LDHA: variants seen among roughly 807,000 people sequenced by gnomAD.
LDHA encodes lactate dehydrogenase A.
LDHA carries 10 observed loss-of-function variants against 36.3 expected under a neutral mutation model. The observed-to-expected ratio is 0.28, with a 90% CI of 0.17 to 0.47. LDHA has a LOEUF of 0.47. LDHA is among the 20% of genes least tolerant of loss of function. The pLI is 0.99. For missense variants in LDHA, 267 were observed against 405.8 expected, an observed-to-expected ratio of 0.66 and a Z score of 2.94; for synonymous variants, 110 against 136.7, an observed-to-expected ratio of 0.80 and a Z score of 1.36.
rs1056818130 is a variant in LDHA at position 18,403,559 on chromosome 11, G to A, written c.593-135G>A. 9.7e-6 allele frequency: 7 copies of A among 718,034 alleles called. No homozygotes were observed. In the East Asian group the frequency reaches 1.8e-4, roughly 18 times the overall value. 44.5% of individuals were successfully genotyped at this position (718,034 alleles called of 1,614,324 possible). On this transcript the variant is annotated intron_variant, in intron 5 of 7. Transcript: ENST00000422447. ...AAAATCTAATCTAAAAGTGAGTAATGACTACATTAGTAGTCTTGACCATCT... is the reference window on the plus strand; with the variant it reads ...AAAATCTAATCTAAAAGTGAGTAATAACTACATTAGTAGTCTTGACCATCT...
Position 18,400,898 on chromosome 11 carries a change from G to C in LDHA, c.306G>C (p.Glu102Asp). ...TCACGGCTGGGGCACGTCAGCAAGA[G>C]GGAGAAAGCCGTCTTAATTTGGTCC... ...VIITAGARQQ[E>D]GESRLNLVQR... Residue 102 changes from glutamate (E) to aspartate (D), a missense_variant, in exon 4 of 8, where the codon GAG (glutamate) becomes GAC (aspartate). Glu to Asp is a conservative substitution (Grantham distance 45). Coordinates refer to ENST00000422447, the MANE Select transcript of LDHA (RefSeq NM_005566.4). 1 of 1,613,428 alleles carries C rather than the reference G, an allele frequency of 6.2e-7. No homozygotes were observed. The highest frequency in any genetic ancestry group is 8.5e-7 in the Non-Finnish European group (1 of 1,179,574).
At chr11:18,404,281 C>T (rs1006277179) in intron 6 of LDHA, among the ~76,000 whole-genome samples, 2 of 152,120 alleles carry the variant, frequency 1.3e-5, no homozygotes, top group Non-Finnish European at 2.9e-5. Context: ...TGGTGGTGAG[C>T]ACCTGTGGTC....
intron 4 of LDHA, among the ~76,000 whole-genome samples, chr11:18,401,635 G>A (rs1338419951): frequency 1.3e-5 from 2 of 150,890 alleles, no homozygotes; most frequent in Non-Finnish European, 1.5e-5. Flanking sequence ...CCACCACGAC[G>A]CCTGGCTAAT....
rs189786479 is a variant in LDHA at position 18,400,710 on chromosome 11, A to G, written c.245-127A>G. 1.9e-3 allele frequency: 1,378 copies of G among 725,780 alleles called. 7 individuals carry two copies. The highest frequency in any genetic ancestry group is 9.2e-3 in the Middle Eastern group (40 of 4,352). The allele number at this position is 725,780 out of a possible 1,614,324, so 45.0% of individuals were successfully genotyped here. On this transcript the variant is annotated intron_variant, in intron 3 of 7. Coordinates refer to ENST00000422447, the MANE Select transcript of LDHA (RefSeq NM_005566.4). ...TGTTGACATGCTCTTCCTCCATTTA[A>G]GAAGCCATAATGATAAAACTCTAAG...
chr11:18,397,132 A>G lies in LDHA; in HGVS notation c.126+164A>G, dbSNP rs2134018130. 13 of 623,116 alleles carry G rather than the reference A, an allele frequency of 2.1e-5. No individual in the cohort carries two copies. The East Asian group carries it at 2.6e-4, about 13-fold the overall frequency. The allele number at this position is 623,116 out of a possible 1,614,324, so 38.6% of individuals were successfully genotyped here. A position where few individuals can be genotyped will look rare whatever the true frequency, so the allele number is the denominator to read the frequency against. On this transcript the variant is annotated intron_variant, in intron 2 of 7. Coordinates refer to ENST00000422447, the MANE Select transcript of LDHA (RefSeq NM_005566.4). Reference sequence around the variant, plus strand: ...ACAAACTTTTGAAATATGATAATACACCAAAAGTGTATCTGAAATTAAAAA... The same window carrying G: ...ACAAACTTTTGAAATATGATAATACGCCAAAAGTGTATCTGAAATTAAAAA...
Position 18,396,817 on chromosome 11 carries a change from A to AGATTCCTTTT in LDHA, c.-24_-15dup, listed in dbSNP as rs754131832. On this transcript the variant is annotated splice_acceptor_variant, in intron 1 of 7. Transcript: ENST00000422447. LOFTEE classifies it low-confidence loss of function (5UTR_SPLICE). The stretch of plus-strand genomic sequence containing the variant: ...TGACACTAAATGTTTTTCCTCCTAT[A>AGATTCCTTTT]GATTCCTTTTGGTTCCAAGTCCAAT... The AGATTCCTTTT allele has an allele frequency of 5.0e-6, 8 of 1,602,050 alleles. No individual in the cohort carries two copies. Among genetic ancestry groups the AGATTCCTTTT allele is most frequent in the Non-Finnish European group, 6.0e-6 (7 of 1,174,302 alleles).
chr11:18,406,877 G>A (rs537881880), intron 7 of LDHA: 16 of 424,934 alleles, frequency 3.8e-5, no homozygotes, highest in Middle Eastern at 6.8e-4. Context: ...AGCCAAGTGT[G>A]GTGGCGCACG....
rs1196486136 is a variant in LDHA, at chr11:18,407,469, C to T, written c.*188C>T. 6 of 1,178,458 alleles carry T rather than the reference C, an allele frequency of 5.1e-6. No homozygotes were observed. Among genetic ancestry groups the T allele is most frequent in the African/African-American group, 1.5e-5 (1 of 65,756 alleles). 73.0% of individuals were successfully genotyped at this position (1,178,458 alleles called of 1,614,324 possible). A position where few individuals can be genotyped will look rare whatever the true frequency, so the allele number is the denominator to read the frequency against. ...TAAAATCCACAGCTATATCCTGATG[C>T]TGGATGGTATTAATCTTGTGTAGTC... On this transcript the variant is annotated 3_prime_UTR_variant, in exon 8 of 8. Transcript: ENST00000422447.
At chr11:18,399,325 A>G (rs1866400869) in intron 2 of LDHA, 106 bp from the exon 3 acceptor site, 2 of 817,748 alleles carry the variant, frequency 2.4e-6, no homozygotes, top group African/African-American at 3.4e-5. Flanking sequence ...CTGTACTAAT[A>G]AAGTAACAGA....
intron 6 of LDHA, 137 bp from the exon 7 acceptor site, chr11:18,405,312 T>A: frequency 2.4e-6 from 2 of 845,602 alleles, no homozygotes; most frequent in Admixed American, 1.8e-5. Context: ...AGCATACATG[T>A]GTGCAAGGGT....
chr11:18,403,607 C>T, intron 5 of LDHA, 87 bp from the exon 6 acceptor site: 1 of 906,630 alleles, frequency 1.1e-6, no homozygotes, highest in Non-Finnish European at 1.9e-6. Flanking sequence ...TATTCTTCCT[C>T]CGAAGATAAG....
chr11:18,398,705 C>T (rs1866380801), intron 2 of LDHA: 1 of 150,862 alleles, frequency 6.6e-6, no homozygotes, highest in Non-Finnish European at 1.5e-5. Context: ...GCTCTGCCTC[C>T]CGGGTTCATA....
chr11:18,403,057 A>G (rs760132196), intron 5 of LDHA, 44 bp downstream of exon 5: 1 of 1,541,480 alleles, frequency 6.5e-7, no homozygotes, highest in Non-Finnish European at 9.0e-7. Flanking sequence ...AAGATTATAT[A>G]AAAAGTCGAT....
intron 4 of LDHA, among the ~76,000 whole-genome samples, chr11:18,401,477 T>TC (rs1435909361): frequency 3.9e-4 from 34 of 88,006 alleles, no homozygotes; most frequent in Non-Finnish European, 6.8e-4. Flanking sequence ...ATTTTTCTTT[T>TC]TTTTTTTTTT....
intron 1 of LDHA, chr11:18,396,325 C>T (rs1322428022): frequency 1.0e-5 from 4 of 392,794 alleles, no homozygotes; most frequent in African/African-American, 8.2e-5. Context: ...GATTTCCGCC[C>T]ACCTTTCCGA....
Position 18,408,168 on chromosome 11 carries a change from G to C in LDHA, c.*887G>C. On this transcript the variant is annotated 3_prime_UTR_variant, in exon 8 of 8. Transcript: ENST00000422447. ...CACTATAGGGAACACAGATTTTTGA[G>C]ATCTTGTCCTCTGGAAGCTGGTAAC... The C allele has an allele frequency of 2.2e-6, 1 of 454,094 alleles. No individual in the cohort carries two copies. Among genetic ancestry groups the C allele is most frequent in the Admixed American group, 2.3e-5 (1 of 42,570 alleles). The allele number at this position is 454,094 out of a possible 1,614,324, so 28.1% of individuals were successfully genotyped here.
chr11:18,400,289 A>T (rs1866434377), intron 3 of LDHA: 1 of 209,074 alleles, frequency 4.8e-6, no homozygotes, highest in South Asian at 7.5e-5. Context: ...GATACCTGAA[A>T]ATCACTGGCC....
rs6498 is a variant in LDHA at position 18,400,940 on chromosome 11, C to T, written c.348C>T (p.Ile116=). The change falls in exon 4 of 8, where the codon ATC becomes ATT. Residue 116 remains isoleucine, a synonymous_variant. Transcript: ENST00000422447. ...RLNLVQRNVN[I]FKFIIPNVVK... ...ATTTGGTCCAGCGTAACGTGAACAT[C>T]TTTAAATTCATCATTCCTAATGTTG... is the stretch of plus-strand genomic sequence containing the variant. 1 of 1,612,998 alleles carries T rather than the reference C, an allele frequency of 6.2e-7. No individual in the cohort carries two copies. Among genetic ancestry groups the T allele is most frequent in the South Asian group, 1.1e-5 (1 of 91,058 alleles).
chr11:18,407,138 G>A lies in LDHA; in HGVS notation c.856G>A (p.Asp286Asn). The A allele has an allele frequency of 6.3e-7, 1 of 1,582,538 alleles. No individual in the cohort carries two copies. Residue 286 changes from aspartate (D) to asparagine (N), a missense_variant, in exon 8 of 8, where the codon GAT becomes AAT. Transcript: ENST00000422447. Reference sequence around the variant, plus strand: ...TCAGGGTCTTTACGGAATAAAGGATGATGTCTTCCTTAGTGTTCCTTGCAT... The same window carrying A: ...TCAGGGTCTTTACGGAATAAAGGATAATGTCTTCCTTAGTGTTCCTTGCAT... ...MIKGLYGIKD[D>N]VFLSVPCILG...
Sources: allele counts gnomAD v4.1 joint callset (sites outside exome capture counted in the v4.1 genomes callset), GRCh38; gene constraint gnomAD v4.1.1; transcripts MANE v1.5; gene names NCBI Gene and HGNC (gene_info 2026-07-23, HGNC 2026-07-21).